The following CENPU variants were observed in gnomAD, a reference collection of about 807,000 sequenced individuals.
CENPU encodes centromere protein U.
In CENPU, 46 loss-of-function variants were observed where a neutral mutation model predicts 56.7. That is an observed-to-expected ratio of 0.81 (90% CI 0.64 to 1.04). The LOEUF (loss-of-function observed/expected upper bound fraction) is 1.04. Ranked by LOEUF, CENPU falls within the 50% of genes least tolerant of loss-of-function variation. The probability of loss-of-function intolerance (pLI) is 0.00; values close to 1 mark genes in which losing one functional copy is unlikely to be tolerated. For missense variants in CENPU, 510 were observed against 490.1 expected, an observed-to-expected ratio of 1.04 and a Z score of -0.38; for synonymous variants, 166 against 163.0, an observed-to-expected ratio of 1.02 and a Z score of -0.14.
rs1415876731 is a variant in CENPU at position 184,716,408 on chromosome 4, C to T, written c.607G>A (p.Glu203Lys). The T allele has an allele frequency of 6.2e-7, 1 of 1,613,238 alleles. No individual in the cohort carries two copies. The highest frequency in any genetic ancestry group is 1.3e-5 in the African/African-American group (1 of 74,848). The change falls in exon 6 of 13, where the codon GAA becomes AAA. Residue 203 changes from glutamate (E) to lysine (K), a missense_variant. By Grantham distance (56) the Glu-to-Lys change is moderately conservative. Transcript: ENST00000281453. ...GCAGACGTTCTTACCGATTGACTTT[C>T]TATTGCCAAGTTCTCTTTTTCAACA... ...PSVEKENLAI[E>K]SQSKTQKKGK...
chr4:184,703,843 G>A (rs191340607), intron 8 of CENPU, among the ~76,000 whole-genome samples: 96 of 152,280 alleles, frequency 6.3e-4, no homozygotes, highest in Middle Eastern at 3.4e-3. Context: ...AACGATGGAT[G>A]GCACATACAG....
intron 11 of CENPU, 42 bp downstream of exon 11, chr4:184,700,778 C>T: frequency 1.3e-6 from 2 of 1,537,462 alleles, no homozygotes; most frequent in Non-Finnish European, 1.8e-6. Flanking sequence ...ATCATTACAT[C>T]CTTTTAGGTA....
rs753355943 is a variant in CENPU at position 184,716,514 on chromosome 4, G to T, written c.501C>A (p.Thr167=). The T allele has an allele frequency of 3.7e-6, 6 of 1,613,970 alleles. No individual in the cohort carries two copies. Among genetic ancestry groups the T allele is most frequent in the Non-Finnish European group, 5.1e-6 (6 of 1,180,016 alleles). The change falls in exon 6 of 13, where the codon ACC becomes ACA. Residue 167 remains threonine, a synonymous_variant. Coordinates refer to ENST00000281453, the MANE Select transcript of CENPU (RefSeq NM_024629.4). ...ISTQRHEVIR[T]TASSELSEKP... is the part of the protein sequence containing the mutation. ...TCTCTGAAAGTTCTGAAGACGCTGT[G>T]GTTCGAATAACCTCATGACGTTGTG...
chr4:184,711,746 G>A (rs1023303396), intron 7 of CENPU, among the ~76,000 whole-genome samples: 4 of 152,086 alleles, frequency 2.6e-5, no homozygotes, highest in African/African-American at 9.7e-5. Flanking sequence ...TTTAACATAT[G>A]CCTACCCTAT....
Position 184,704,557 on chromosome 4 carries a change from CGTT to C in CENPU, c.798-2119_798-2117del, listed in dbSNP as rs966586730. On this transcript the variant is annotated intron_variant, in intron 8 of 12. Coordinates refer to ENST00000281453, the MANE Select transcript of CENPU (RefSeq NM_024629.4). ...GGATGCAGTTCTCAGAACACATCCCCGTTGTTAAGTGACATGAATGTGTATACA... is the reference window on the plus strand; with the variant it reads ...GGATGCAGTTCTCAGAACACATCCCCGTTAAGTGACATGAATGTGTATACA... 4.0e-5 allele frequency among the ~76,000 whole-genome samples: 6 copies of C among 150,452 alleles called. No homozygotes were observed. In the South Asian group the frequency reaches 6.3e-4, roughly 16 times the overall value.
Position 184,695,066 on chromosome 4 carries a change from A to G in CENPU, c.*222T>C, listed in dbSNP as rs1554009343. The G allele has an allele frequency of 2.5e-5, 13 of 529,588 alleles. No homozygotes were observed. The highest frequency in any genetic ancestry group is 4.3e-5 in the Non-Finnish European group (13 of 301,066). The allele number at this position is 529,588 out of a possible 1,614,324, so 32.8% of individuals were successfully genotyped here. A position where few individuals can be genotyped will look rare whatever the true frequency, so the allele number is the denominator to read the frequency against. On this transcript the variant is annotated 3_prime_UTR_variant, in exon 13 of 13. Transcript: ENST00000281453. The stretch of plus-strand genomic sequence containing the variant: ...ATTAAGGTGTCAACATTTTAAAATT[A>G]CTCAAGATATTAACCAGAAAAGATG...
intron 11 of CENPU, 182 bp from the exon 12 acceptor site, chr4:184,697,985 T>A (rs1760398577): frequency 1.8e-6 from 1 of 549,274 alleles, no homozygotes. Context: ...GGAAAAAAAA[T>A]CTCTGAAATA....
rs2150189592 is a variant in CENPU at position 184,694,186 on chromosome 4, A to ATTTATC, written c.*1096_*1101dup. On this transcript the variant is annotated 3_prime_UTR_variant, in exon 13 of 13. Coordinates refer to ENST00000281453, the MANE Select transcript of CENPU (RefSeq NM_024629.4). Reference sequence around the variant, plus strand: ...ACTAAGTCCATTGTCAAGATAGCAAATTTATCTTCTGATTTGTCTTCAGCT... The same window carrying ATTTATC: ...ACTAAGTCCATTGTCAAGATAGCAAATTTATCTTTATCTTCTGATTTGTCTTCAGCT... 6 of 1,036,208 alleles carry ATTTATC rather than the reference A, an allele frequency of 5.8e-6. No individual in the cohort carries two copies. In the South Asian group the frequency reaches 2.5e-4, roughly 44 times the overall value. The allele number at this position is 1,036,208 out of a possible 1,614,324, so 64.2% of individuals were successfully genotyped here.
At chr4:184,712,904 T>C (rs1435576204) in intron 7 of CENPU, 40 bp downstream of exon 7, 6 of 1,323,904 alleles carry the variant, frequency 4.5e-6, no homozygotes, top group African/African-American at 1.5e-5. Context: ...TCTTATGAAA[T>C]TCCTGAATGA....
At chr4:184,733,880 G>T (rs1761745585) in intron 1 of CENPU, 136 bp downstream of exon 1, 8 of 1,166,946 alleles carry the variant, frequency 6.9e-6, no homozygotes, top group Non-Finnish European at 8.9e-6. Context: ...AGGAAGCCGG[G>T]GACCCGGGCG....
chr4:184,703,803 A>G (rs1486901142), intron 8 of CENPU, among the ~76,000 whole-genome samples: 1 of 152,238 alleles, frequency 6.6e-6, no homozygotes, highest in East Asian at 1.9e-4. Context: ...AAATGTGTTA[A>G]AATCATGACC....
intron 3 of CENPU, among the ~76,000 whole-genome samples, chr4:184,728,465 C>T (rs1179196368): frequency 6.6e-6 from 1 of 152,156 alleles, no homozygotes; most frequent in Non-Finnish European, 1.5e-5. Flanking sequence ...TCCTGGCCAG[C>T]CTGGTACTGG....
intron 7 of CENPU, 84 bp from the exon 8 acceptor site, chr4:184,710,264 G>A (rs796983958): frequency 2.6e-6 from 2 of 774,980 alleles, no homozygotes; most frequent in African/African-American, 3.5e-5. Context: ...CACAAAAATA[G>A]TCTCACCAAA....
At chr4:184,700,911 T>TA (rs1270962523) in intron 10 of CENPU, 30 bp from the exon 11 acceptor site, 1 of 1,574,086 alleles carries the variant, frequency 6.4e-7, no homozygotes, top group Admixed American at 1.7e-5. Context: ...GTGTTAAAAT[T>TA]AATTTGTAAC....
At position 184,713,017 on chromosome 4, in the gene CENPU, C is replaced by CA. The variant is rs34353251; in HGVS notation, c.619-5dup. 0.029 allele frequency: 35,175 copies of CA among 1,215,224 alleles called. 5 individuals carry two copies. The highest frequency in any genetic ancestry group is 0.032 in the Non-Finnish European group (28,157 of 890,234). 75.3% of individuals were successfully genotyped at this position (1,215,224 alleles called of 1,614,324 possible). ...TCTTCCCTTTTTTCTGAGTTTTCTA[C>CA]AAAAAAAAAAAGCATTAAGTTTTTA... is the stretch of plus-strand genomic sequence containing the variant. On this transcript the variant is annotated splice_region_variant and splice_polypyrimidine_tract_variant and intron_variant, in intron 6 of 12. Coordinates refer to ENST00000281453, the MANE Select transcript of CENPU (RefSeq NM_024629.4).
At position 184,700,881 on chromosome 4, in the gene CENPU, T is replaced by C. The variant is rs1337662396; in HGVS notation, c.925A>G (p.Met309Val). The change falls in exon 11 of 13, where the codon ATG becomes GTG. Residue 309 changes from methionine (M) to valine (V), a missense_variant and splice_region_variant. Met to Val is a conservative substitution (Grantham distance 21, BLOSUM62 1). Coordinates refer to ENST00000281453, the MANE Select transcript of CENPU (RefSeq NM_024629.4). ...LTNLKRKNAK[M>V]ISDIEKKRQR... Reference sequence around the variant, plus strand: ...CTTTTCTTTTCGATATCTGAAATCATCTAAGTAACACAATCATTTGTGTTA... The same window carrying C: ...CTTTTCTTTTCGATATCTGAAATCACCTAAGTAACACAATCATTTGTGTTA... 6.2e-7 allele frequency: 1 copy of C among 1,610,616 alleles called. No individual in the cohort carries two copies. Among genetic ancestry groups the C allele is most frequent in the Non-Finnish European group, 8.5e-7 (1 of 1,176,882 alleles).
At chr4:184,717,107 A>G (rs779101127) in intron 5 of CENPU, 29 bp downstream of exon 5, 2 of 1,466,582 alleles carry the variant, frequency 1.4e-6, no homozygotes, top group Non-Finnish European at 1.9e-6. Context: ...ATTACAAATT[A>G]AAGTAGAAGA....
At chr4:184,698,692 A>G (rs1304534045) in intron 11 of CENPU, among the ~76,000 whole-genome samples, 2 of 152,016 alleles carry the variant, frequency 1.3e-5, no homozygotes, top group Non-Finnish European at 2.9e-5. Flanking sequence ...TCAGTGATCC[A>G]CCCGCCCCAG....
Position 184,694,534 on chromosome 4 carries a change from A to AC in CENPU, c.*753dup. ...CACTGAAATAAAGGAAGAAGAGTTT[A>AC]CAACAGATGAAGCAGATGAAACTAG... On this transcript the variant is annotated 3_prime_UTR_variant, in exon 13 of 13. Transcript: ENST00000281453. 1 of 1,611,440 alleles carries AC rather than the reference A, an allele frequency of 6.2e-7. No individual in the cohort carries two copies. Among genetic ancestry groups the AC allele is most frequent in the South Asian group, 1.1e-5 (1 of 91,070 alleles).
Sources: allele counts gnomAD v4.1 joint callset (sites outside exome capture counted in the v4.1 genomes callset), GRCh38; gene constraint gnomAD v4.1.1; transcripts MANE v1.5; gene names NCBI Gene and HGNC (gene_info 2026-07-23, HGNC 2026-07-21).